TEKTIP1: variants seen among roughly 807,000 people sequenced by gnomAD.
The protein encoded by TEKTIP1 is tektin bundle interacting protein 1, also known as tektin bundle-interacting protein 1.
At chr19:3,541,706 A>G in the TEKTIP1 span, 2 of 985,280 alleles carry the variant, frequency 2.0e-6, no homozygotes, top group Non-Finnish European at 2.4e-6. Flanking sequence ...GAGTGCATGT[A>G]CCACCTGCTC....
At chr19:3,543,241 C>A in the TEKTIP1 span, 1 of 1,544,320 alleles carries the variant, frequency 6.5e-7, no homozygotes, top group Non-Finnish European at 8.7e-7. Flanking sequence ...TCAGCGATGA[C>A]TACCTGTCCC....
chr19:3,540,097 T>TC, the TEKTIP1 span: 2 of 145,052 alleles, frequency 1.4e-5, no homozygotes, highest in Non-Finnish European at 3.0e-5. Flanking sequence ...TTCTTTTTTT[T>TC]TTTTTTTTTT....
the TEKTIP1 span, chr19:3,543,326 G>A: frequency 6.5e-7 from 1 of 1,549,356 alleles, no homozygotes; most frequent in African/African-American, 1.4e-5. Flanking sequence ...ACGGGACGCA[G>A]CCGGCCAGCT....
At chr19:3,541,692 G>A in the TEKTIP1 span, 2 of 985,338 alleles carry the variant, frequency 2.0e-6, no homozygotes, top group South Asian at 9.4e-5. Context: ...GTAATAACGG[G>A]GGTGAGTGCA....
the TEKTIP1 span, chr19:3,539,412 G>A: frequency 1.7e-6 from 1 of 599,740 alleles, no homozygotes; most frequent in South Asian, 1.9e-5. Flanking sequence ...AGCTCTTCCT[G>A]TTCCCCTCCG....
the TEKTIP1 span, chr19:3,543,930 T>G: frequency 1.3e-6 from 2 of 1,551,060 alleles, no homozygotes; most frequent in Non-Finnish European, 1.7e-6. Context: ...CACCCAGAAC[T>G]ACCGGGAGTG....
At chr19:3,542,029 C>T in the TEKTIP1 span, 13 of 618,664 alleles carry the variant, frequency 2.1e-5, no homozygotes, top group Non-Finnish European at 2.2e-5. Flanking sequence ...AGGCTGGTCT[C>T]GAACTCCTGA....
At chr19:3,539,444 G>A in the TEKTIP1 span, 1 of 584,216 alleles carries the variant, frequency 1.7e-6, no homozygotes, top group East Asian at 2.8e-5. Context: ...CTCACTGTGG[G>A]GGCTACAGAC....
the TEKTIP1 span, chr19:3,542,821 C>T: frequency 2.2e-6 from 3 of 1,373,898 alleles, no homozygotes; most frequent in South Asian, 1.1e-5. Flanking sequence ...TGGCTTAGTG[C>T]CAGCCCCAGA....
chr19:3,541,729 A>G, the TEKTIP1 span: 1 of 985,364 alleles, frequency 1.0e-6, no homozygotes, highest in Non-Finnish European at 1.2e-6. Flanking sequence ...GGGAGGAAAC[A>G]CCAGAAAGTA....
chr19:3,539,297 C>T, the TEKTIP1 span: 3 of 1,101,800 alleles, frequency 2.7e-6, no homozygotes, highest in Non-Finnish European at 3.9e-6. Flanking sequence ...CTCCCAGCCC[C>T]TCCCTCCCTC....
chr19:3,543,858 C>G, the TEKTIP1 span: 1 of 1,547,146 alleles, frequency 6.5e-7, no homozygotes, highest in Non-Finnish European at 8.7e-7. Context: ...CGGGGTGGAG[C>G]CACTGTGGAG....
At chr19:3,543,785 G>C in the TEKTIP1 span, 1 of 1,493,932 alleles carries the variant, frequency 6.7e-7, no homozygotes, top group Non-Finnish European at 9.0e-7. Context: ...GCTGGCCAAC[G>C]GCGAGGAGGT....
the TEKTIP1 span, chr19:3,539,475 A>G: frequency 1.8e-6 from 1 of 550,234 alleles, no homozygotes; most frequent in Non-Finnish European, 3.3e-6. Flanking sequence ...GCCAAGAACA[A>G]ATGTGTCTGC....
the TEKTIP1 span, chr19:3,543,971 C>T: frequency 1.3e-6 from 2 of 1,549,272 alleles, no homozygotes; most frequent in Non-Finnish European, 8.7e-7. Context: ...CCTCCACCTG[C>T]CAGCGGTCCC....
the TEKTIP1 span, chr19:3,539,348 C>T: frequency 3.1e-6 from 2 of 644,036 alleles, no homozygotes; most frequent in East Asian, 8.2e-5. Context: ...GGTTTGGGGT[C>T]TTGCACGTGT....
At chr19:3,543,104 C>T in the TEKTIP1 span, 2 of 1,535,880 alleles carry the variant, frequency 1.3e-6, no homozygotes, top group South Asian at 1.2e-5. Context: ...GGACAGACTC[C>T]AAGTGGCGAG....
the TEKTIP1 span, chr19:3,539,509 G>A: frequency 1.2e-5 from 6 of 506,592 alleles, no homozygotes; most frequent in South Asian, 3.2e-5. Context: ...GACTGCAAAC[G>A]CACTGGGAGC....
chr19:3,541,484 G>T, the TEKTIP1 span: 1 of 170,394 alleles, frequency 5.9e-6, no homozygotes, highest in South Asian at 2.0e-4. Context: ...CACCACGCCC[G>T]GCTAATTTTT....
Sources: gnomAD v4.1 joint callset for allele counts on GRCh38, gnomAD v4.1.1 for gene constraint, MANE v1.5 for transcripts, NCBI Gene and HGNC (gene_info 2026-07-23, HGNC 2026-07-21) for gene names.